Variants in CPED1 observed in about 807,000 individuals in gnomAD.
CPED1 encodes the protein cadherin like and PC-esterase domain containing 1, also known as cadherin-like and PC-esterase domain-containing protein 1.
A neutral mutation model predicts 128.2 loss-of-function variants in CPED1; 114 were observed. That is an observed-to-expected ratio of 0.89 (90% CI 0.76 to 1.04). The LOEUF (loss-of-function observed/expected upper bound fraction) is 1.04. CPED1 is among the 50% of genes least tolerant of loss of function. The pLI, the probability that CPED1 is intolerant of heterozygous loss-of-function variation, is 0.00. For synonymous variants in CPED1, 462 were observed against 426.7 expected (o/e 1.08, Z -1.02); for missense variants, 1,211 against 1,207.1 (o/e 1.00, Z -0.05).
At chr7:121,078,694 C>T (rs1794202984) in intron 5 of CPED1, among the ~76,000 whole-genome samples, 1 of 152,100 alleles carries the variant, frequency 6.6e-6, no homozygotes, top group African/African-American at 2.4e-5. Context: ...AATGCAGCCA[C>T]TTCCTTTTCA....
Position 121,295,939 on chromosome 7 carries a change from C to A in CPED1, c.*287C>A. ...ATTATTAACCAGAACCACTGTGGGC[C>A]AGGTATGGCATTGTGATAATAAAGA... On this transcript the variant is annotated 3_prime_UTR_variant, in exon 23 of 23. Coordinates refer to ENST00000310396, the MANE Select transcript of CPED1 (RefSeq NM_024913.5). 3.5e-6 allele frequency: 1 copy of A among 284,968 alleles called. No homozygotes were observed. Among genetic ancestry groups the A allele is most frequent in the South Asian group, 6.8e-5 (1 of 14,788 alleles). The allele number at this position is 284,968 out of a possible 1,614,324, so 17.7% of individuals were successfully genotyped here.
At chr7:121,051,168 C>A (rs1283860802) in intron 4 of CPED1, 1 of 525,568 alleles carries the variant, frequency 1.9e-6, no homozygotes, top group African/African-American at 2.0e-5. Context: ...AGAGTCCAGC[C>A]TCTGATGAAG....
At chr7:121,097,890 G>T in intron 6 of CPED1, 59 bp downstream of exon 6, 1 of 1,584,622 alleles carries the variant, frequency 6.3e-7, no homozygotes, top group South Asian at 1.1e-5. Flanking sequence ...CAGCTAACAA[G>T]AGAAAAGCAC....
chr7:121,275,936 T>TA (rs5887026), intron 22 of CPED1, among the ~76,000 whole-genome samples: 4,683 of 129,092 alleles, frequency 0.036, 231 homozygotes, highest in African/African-American at 0.11. Flanking sequence ...ATTCATCCGG[T>TA]AAAAAAAAAA....
intron 16 of CPED1, among the ~76,000 whole-genome samples, chr7:121,151,180 G>A (rs1796150924): frequency 6.6e-6 from 1 of 152,162 alleles, no homozygotes; most frequent in Non-Finnish European, 1.5e-5. Flanking sequence ...GGAGGAGGCA[G>A]TGTGCCCCTT....
chr7:121,282,491 T>C (rs1181443763), intron 22 of CPED1, among the ~76,000 whole-genome samples: 1 of 152,164 alleles, frequency 6.6e-6, no homozygotes, highest in African/African-American at 2.4e-5. Flanking sequence ...GTATCAAACA[T>C]CTTTCACCGG....
At chr7:121,073,183 AT>A (rs1794037464) in intron 5 of CPED1, among the ~76,000 whole-genome samples, 1 of 152,342 alleles carries the variant, frequency 6.6e-6, no homozygotes, top group South Asian at 2.1e-4. Flanking sequence ...TATATACTGT[AT>A]TTTTATAATA....
chr7:121,179,960 C>T (rs557960821), intron 16 of CPED1, among the ~76,000 whole-genome samples: 1 of 152,156 alleles, frequency 6.6e-6, no homozygotes, highest in South Asian at 2.1e-4. Flanking sequence ...CTGTGATACA[C>T]ACTGGGATCT....
At chr7:121,164,382 A>G (rs1175398791) in intron 16 of CPED1, among the ~76,000 whole-genome samples, 3 of 152,212 alleles carry the variant, frequency 2.0e-5, no homozygotes, top group East Asian at 1.9e-4. Context: ...CAGTAGGACT[A>G]TGTTGACCAG....
intron 22 of CPED1, among the ~76,000 whole-genome samples, chr7:121,292,365 C>T (rs1018867399): frequency 2.0e-5 from 3 of 151,900 alleles, no homozygotes; most frequent in South Asian, 2.1e-4. Flanking sequence ...TCAGCTCCAT[C>T]GGGTCATTTA....
At chr7:121,245,625 TTAAGA>T (rs1277514231) in intron 18 of CPED1, among the ~76,000 whole-genome samples, 3 of 152,138 alleles carry the variant, frequency 2.0e-5, no homozygotes, top group African/African-American at 7.2e-5. Context: ...TTTTTTCTGC[TTAAGA>T]TAAGTAAAGC....
At chr7:120,991,330 A>C (rs551278119) in intron 2 of CPED1, among the ~76,000 whole-genome samples, 2 of 152,334 alleles carry the variant, frequency 1.3e-5, no homozygotes, top group South Asian at 4.1e-4. Context: ...GGCACAGTAA[A>C]GTTATTGAAG....
intron 3 of CPED1, among the ~76,000 whole-genome samples, chr7:121,043,393 C>T (rs1793108908): frequency 6.6e-6 from 1 of 152,130 alleles, no homozygotes; most frequent in East Asian, 1.9e-4. Flanking sequence ...CTTCCCCAAT[C>T]TTATGGAATA....
intron 16 of CPED1, among the ~76,000 whole-genome samples, chr7:121,202,032 G>A (rs1350208246): frequency 2.0e-5 from 3 of 152,048 alleles, no homozygotes; most frequent in Non-Finnish European, 4.4e-5. Flanking sequence ...CAGAACTTCT[G>A]GATACATTTC....
chr7:121,205,355 CTT>C (rs1797494807), intron 16 of CPED1, among the ~76,000 whole-genome samples: 1 of 151,996 alleles, frequency 6.6e-6, no homozygotes, highest in Admixed American at 6.6e-5. Context: ...TTTCATCCCT[CTT>C]ATATTTTTCA....
At chr7:121,014,782 C>T (rs1257194748) in intron 2 of CPED1, among the ~76,000 whole-genome samples, 1 of 152,080 alleles carries the variant, frequency 6.6e-6, no homozygotes, top group African/African-American at 2.4e-5. Flanking sequence ...TTCTCCACCA[C>T]CTCCTTTGGC....
intron 11 of CPED1, among the ~76,000 whole-genome samples, chr7:121,129,307 A>ATACT: frequency 1.7e-4 from 1 of 5,958 alleles, no homozygotes; most frequent in African/African-American, 2.0e-4. Context: ...ATATATATAT[A>ATACT]TATACGTATA....
At chr7:121,112,341 T>C (rs1795132698) in intron 7 of CPED1, among the ~76,000 whole-genome samples, 1 of 152,138 alleles carries the variant, frequency 6.6e-6, no homozygotes, top group Non-Finnish European at 1.5e-5. Flanking sequence ...GCCCTGTGCA[T>C]GTCATTATAA....
At chr7:121,263,611 C>T (rs146472888) in intron 18 of CPED1, among the ~76,000 whole-genome samples, 288 of 152,050 alleles carry the variant, frequency 1.9e-3, no homozygotes, top group African/African-American at 6.5e-3. Flanking sequence ...ACTATTGTGC[C>T]TCTGACATGC....
Sources: gnomAD v4.1 joint callset for allele counts (sites outside exome capture counted in the v4.1 genomes callset) on GRCh38, gnomAD v4.1.1 for gene constraint, MANE v1.5 for transcripts, NCBI Gene and HGNC (gene_info 2026-07-23, HGNC 2026-07-21) for gene names.